The following NOS3 variants were observed in gnomAD, a reference collection of about 807,000 sequenced individuals.
NOS3 encodes NOS type III.
NOS3 carries 98 observed loss-of-function variants against 144.9 expected under a neutral mutation model. That is an observed-to-expected ratio of 0.68 (90% CI 0.57 to 0.80). The LOEUF (loss-of-function observed/expected upper bound fraction) is 0.80, where lower values mean the gene tolerates loss of function less well. Among genes scored for constraint, NOS3 ranks in the 30% least tolerant of loss-of-function variants. NOS3 has a pLI of 0.00. For synonymous variants in NOS3, 714 were observed against 702.4 expected (o/e 1.02, Z -0.26); for missense variants, 1,465 against 1,656.4 (o/e 0.88, Z 2.01).
At chr7:151,008,881 C>T (rs1397768771) in intron 17 of NOS3, 49 bp from the exon 18 acceptor site, 5 of 1,556,840 alleles carry the variant, frequency 3.2e-6, no homozygotes, top group African/African-American at 1.4e-5. Flanking sequence ...CTCACTAGGG[C>T]GACCCCTGGT....
At position 150,995,327 on chromosome 7, in the gene NOS3, T is replaced by A; in HGVS notation, c.270+13T>A. 1.3e-6 allele frequency: 2 copies of A among 1,561,060 alleles called. No individual in the cohort carries two copies. Among genetic ancestry groups the A allele is most frequent in the Non-Finnish European group, 8.8e-7 (1 of 1,134,796 alleles). ...CCAGGCGCAGCAGGTAAGGCCGGCA[T>A]GCCCTGTCCCCATCGTCTCCAGGGA... On this transcript the variant is annotated intron_variant, in intron 3 of 26. Transcript: ENST00000297494.
intron 2 of NOS3, 108 bp downstream of exon 2, chr7:150,994,069 C>A: frequency 1.6e-6 from 2 of 1,221,376 alleles, no homozygotes; most frequent in Non-Finnish European, 2.3e-6. Flanking sequence ...AGGGCCAGGT[C>A]ACAAATGCAA....
chr7:151,013,691 A>AC, intron 25 of NOS3, 33 bp from the exon 26 acceptor site: 1 of 772,658 alleles, frequency 1.3e-6, no homozygotes, highest in Non-Finnish European at 2.0e-6. Context: ...GCCCACCCCC[A>AC]CCAGGGCCCG....
At position 150,998,657 on chromosome 7, in the gene NOS3, C is replaced by A. The variant is rs1297379613; in HGVS notation, c.793C>A (p.Pro265Thr). 6.2e-7 allele frequency: 1 copy of A among 1,608,088 alleles called. No individual in the cohort carries two copies. Among genetic ancestry groups the A allele is most frequent in the Admixed American group, 1.7e-5 (1 of 59,318 alleles). The change falls in exon 7 of 27, where the codon CCA becomes ACA. Residue 265 changes from proline to threonine, a missense_variant. Transcript: ENST00000297494. The surrounding 1 kb of genome is among the most constrained non-coding windows in gnomAD (Gnocchi z 5.0). ...RQQDGSVRGD[P>T]ANVEITELCI... ...GCAGGATGGCTCTGTGCGGGGGGAC[C>A]CAGCCAACGTGGAGATCACCGAGGT...
rs1352938100 is a variant in NOS3 at position 150,998,401 on chromosome 7, C to T, written c.627C>T (p.Thr209=). 6.2e-7 allele frequency: 1 copy of T among 1,612,448 alleles called. No homozygotes were observed. Among genetic ancestry groups the T allele is most frequent in the African/African-American group, 1.3e-5 (1 of 74,934 alleles). Residue 209 remains threonine, a synonymous_variant, in exon 6 of 27, where the codon ACC becomes ACT. Transcript: ENST00000297494. The surrounding 1 kb of genome is among the most constrained non-coding windows in gnomAD (Gnocchi z 5.0). ...RDCRSAQEMF[T]YICNHIKYAT... ...GCAGGTCTGCACAGGAAATGTTCAC[C>T]TACATCTGCAACCACATCAAGTATG...
In NOS3 at chr7:151,004,838, ATGTTTGTT is replaced by A. The variant is rs113307925; in HGVS notation, c.1753-1567_1753-1560del. ...GAAGTTGGCTTCTAGGATGCGGGTA[ATGTTTGTT>A]TGTTTGTTTGTTTGTTTGTTTTTGT... On this transcript the variant is annotated intron_variant, in intron 14 of 26. Transcript: ENST00000297494. Among the ~76,000 whole-genome samples the A allele has an allele frequency of 1.6e-3, 245 of 151,174 alleles. 1 individual carries two copies. The highest frequency in any genetic ancestry group is 4.9e-3 in the African/African-American group (201 of 41,032).
rs141288865 is a variant in NOS3, at chr7:151,009,030, G to A, written c.2213G>A (p.Ser738Asn). 3.5e-5 allele frequency: 57 copies of A among 1,612,608 alleles called. 1 individual carries two copies. The highest frequency in any genetic ancestry group is 2.2e-5 in the South Asian group (2 of 90,914). ...RSWKRQRYRL[S>N]AQAEGLQLLP... ...TGGAAGCGCCAGAGGTACCGGCTGA[G>A]CGCCCAGGCCGAGGGCCTGCAGTTG... is the stretch of plus-strand genomic sequence containing the variant. The change falls in exon 18 of 27, where the codon AGC becomes AAC. Residue 738 changes from serine to asparagine, a missense_variant. This residue lies in a region of NOS3 where 745 missense variants were observed against 853.9 expected (regional missense o/e 0.87). Transcript: ENST00000297494.
chr7:151,002,991 A>G lies in NOS3; in HGVS notation c.1752+687A>G. The G allele has an allele frequency of 3.6e-6, 1 of 279,636 alleles. No individual in the cohort carries two copies. The highest frequency in any genetic ancestry group is 7.1e-6 in the Non-Finnish European group (1 of 141,190). The allele number at this position is 279,636 out of a possible 1,614,324, so 17.3% of individuals were successfully genotyped here. A position where few individuals can be genotyped will look rare whatever the true frequency, so the allele number is the denominator to read the frequency against. ...TTAAAAAGAAACACAAAGCTAGAGT[A>G]CCATCATTGAATTCCTTCTCTTGCA... On this transcript the variant is annotated intron_variant, in intron 14 of 26. Coordinates refer to ENST00000297494, the MANE Select transcript of NOS3 (RefSeq NM_000603.5). This position sits in a 1 kb window ranked among gnomAD's most constrained non-coding sequence, Gnocchi z 4.1.
chr7:151,005,249 C>T (rs953773340), intron 14 of NOS3, among the ~76,000 whole-genome samples: 5 of 152,170 alleles, frequency 3.3e-5, no homozygotes, highest in Non-Finnish European at 4.4e-5. Context: ...TTGTGTTGCA[C>T]GTTGACAAAA....
intron 25 of NOS3, 152 bp downstream of exon 25, chr7:151,013,531 G>A (rs1213306841): frequency 3.5e-6 from 4 of 1,128,308 alleles, no homozygotes; most frequent in African/African-American, 1.6e-5. Flanking sequence ...CTTGTGCCCC[G>A]GCCCCTCTAG....
At position 151,013,782 on chromosome 7, in the gene NOS3, G is replaced by C; in HGVS notation, c.3314G>C (p.Cys1105Ser). ...ELAAEVHRVL[C>S]LERGHMFVCG... ...GCTGCGGAGGTGCACCGCGTGCTGT[G>C]CCTCGAGCGGGGCCACATGTTTGTC... Residue 1105 changes from cysteine to serine, a missense_variant, in exon 26 of 27, where the codon TGC becomes TCC. Coordinates refer to ENST00000297494, the MANE Select transcript of NOS3 (RefSeq NM_000603.5). The C allele has an allele frequency of 6.2e-7, 1 of 1,611,550 alleles. No individual in the cohort carries two copies. Among genetic ancestry groups the C allele is most frequent in the Non-Finnish European group, 8.5e-7 (1 of 1,179,376 alleles).
Position 150,993,664 on chromosome 7 carries a change from T to G in NOS3, c.-51-89T>G. On this transcript the variant is annotated intron_variant, in intron 1 of 26. Coordinates refer to ENST00000297494, the MANE Select transcript of NOS3 (RefSeq NM_000603.5). This position sits in a 1 kb window ranked among gnomAD's most constrained non-coding sequence, Gnocchi z 4.0. Reference sequence around the variant, plus strand: ...CCCAGCCGGGCTTGTTCCTGTCCCATTGTGTATGGGATAGGGGCGGGGCGA... The same window carrying G: ...CCCAGCCGGGCTTGTTCCTGTCCCAGTGTGTATGGGATAGGGGCGGGGCGA... 6.3e-6 allele frequency: 5 copies of G among 793,406 alleles called. No homozygotes were observed. Among genetic ancestry groups the G allele is most frequent in the Non-Finnish European group, 5.9e-6 (3 of 512,360 alleles). The allele number at this position is 793,406 out of a possible 1,614,324, so 49.1% of individuals were successfully genotyped here. A position where few individuals can be genotyped will look rare whatever the true frequency, so the allele number is the denominator to read the frequency against.
chr7:151,010,846 G>C, intron 22 of NOS3, 39 bp downstream of exon 22: 1 of 1,607,226 alleles, frequency 6.2e-7, no homozygotes, highest in Non-Finnish European at 8.5e-7. Flanking sequence ...CCACAGCAGG[G>C]TTGGGACCGG....
At chr7:150,991,660 G>T (rs1005748715) in intron 1 of NOS3, among the ~76,000 whole-genome samples, 2 of 152,140 alleles carry the variant, frequency 1.3e-5, no homozygotes, top group African/African-American at 4.8e-5. Flanking sequence ...GCCTGGGAGG[G>T]GTCAGGTGGC....
chr7:151,013,301 C>G lies in NOS3; in HGVS notation c.3177C>G (p.Asp1059Glu). 1 of 1,614,134 alleles carries G rather than the reference C, an allele frequency of 6.2e-7. No individual in the cohort carries two copies. The highest frequency in any genetic ancestry group is 8.5e-7 in the Non-Finnish European group (1 of 1,180,036). The change falls in exon 25 of 27, where the codon GAC becomes GAG. Residue 1059 changes from aspartate (D) to glutamate (E), a missense_variant. By Grantham distance (45) the Asp-to-Glu change is conservative (BLOSUM62 2). Coordinates refer to ENST00000297494, the MANE Select transcript of NOS3 (RefSeq NM_000603.5). Reference protein sequence around the residue: ...RCSQLDHLYRDEVQNAQQRGV... With the variant: ...RCSQLDHLYREEVQNAQQRGV... Reference sequence around the variant, plus strand: ...CCCAACTTGACCATCTCTACCGCGACGAGGTGCAGAACGCCCAGCAGCGCG... The same window carrying G: ...CCCAACTTGACCATCTCTACCGCGAGGAGGTGCAGAACGCCCAGCAGCGCG...
rs1291484347 is a variant in NOS3 at position 150,998,707 on chromosome 7, G to T, written c.816+27G>T. ...TGGGCACCGAGGGCCACCCATGAGG[G>T]TGTCCCCAAGGTGGAGAATGAGGAA... On this transcript the variant is annotated intron_variant, in intron 7 of 26. Coordinates refer to ENST00000297494, the MANE Select transcript of NOS3 (RefSeq NM_000603.5). This position sits in a 1 kb window ranked among gnomAD's most constrained non-coding sequence, Gnocchi z 5.0. 1.3e-6 allele frequency: 2 copies of T among 1,591,904 alleles called. No homozygotes were observed. The highest frequency in any genetic ancestry group is 1.8e-5 in the Admixed American group (1 of 56,344).
intron 11 of NOS3, 56 bp from the exon 12 acceptor site, chr7:151,001,488 A>G: frequency 5.6e-6 from 9 of 1,604,626 alleles, no homozygotes; most frequent in Non-Finnish European, 7.7e-6. Context: ...GCCCCTGGGG[A>G]CCTCTAACCT....
At position 151,009,445 on chromosome 7, in the gene NOS3, TG is replaced by T; in HGVS notation, c.2373del (p.Gln792SerfsTer8). The T allele has an allele frequency of 6.5e-7, 1 of 1,545,028 alleles. No homozygotes were observed. Reference sequence around the variant, plus strand: ...CTGGACACCGGAGGCCAGGAGGGGCTGCAGTACCAGCCGGGGGACCACATAG... The same window carrying T: ...CTGGACACCGGAGGCCAGGAGGGGCTCAGTACCAGCCGGGGGACCACATAG... The part of the protein sequence containing the change: ...VRLDTGGQEG[L>X]QYQPGDHIGV... On this transcript the variant is annotated frameshift_variant, in exon 20 of 27. Coordinates refer to ENST00000297494, the MANE Select transcript of NOS3 (RefSeq NM_000603.5). LOFTEE classifies it high-confidence loss of function.
chr7:151,001,549 C>A lies in NOS3; in HGVS notation c.1434C>A (p.Asp478Glu). The A allele has an allele frequency of 6.2e-7, 1 of 1,614,004 alleles. No individual in the cohort carries two copies. The highest frequency in any genetic ancestry group is 2.2e-5 in the East Asian group (1 of 44,882). The part of the protein sequence containing the change: ...FLSPAFRYQP[D>E]PWKGSAAKGT... ...ACCCCATCATCTCTCTGCAGCCAGA[C>A]CCCTGGAAGGGGAGTGCCGCCAAGG... The change falls in exon 12 of 27, where the codon GAC (aspartate) becomes GAA (glutamate). Residue 478 changes from aspartate (D) to glutamate (E), a missense_variant. This residue lies in a region of NOS3 where 745 missense variants were observed against 853.9 expected (regional missense o/e 0.87). Transcript: ENST00000297494.
Sources: gnomAD v4.1 joint callset for allele counts (sites outside exome capture counted in the v4.1 genomes callset) on GRCh38, gnomAD v4.1.1 for gene constraint, gnomAD v4.1.1 regional missense constraint, Gnocchi (gnomAD v3.1) non-coding constraint, MANE v1.5 for transcripts, NCBI Gene and HGNC (gene_info 2026-07-23, HGNC 2026-07-21) for gene names.